DGKB: variants seen among roughly 807,000 people sequenced by gnomAD.
DGKB encodes 90 kDa diacylglycerol kinase.
In DGKB, 67 loss-of-function variants were observed where a neutral mutation model predicts 114.3. The observed-to-expected ratio is 0.59, with a 90% CI of 0.48 to 0.72. The LOEUF is 0.72. DGKB is among the 30% of genes least tolerant of loss of function. The pLI, the probability that DGKB is intolerant of heterozygous loss-of-function variation, is 0.00. For synonymous variants in DGKB, 398 were observed against 323.1 expected, an observed-to-expected ratio of 1.23 and a Z score of -2.49; for missense variants, 907 against 975.2, an observed-to-expected ratio of 0.93 and a Z score of 0.93.
intron 21 of DGKB, among the ~76,000 whole-genome samples, chr7:14,392,639 G>A (rs537989560): frequency 8.5e-5 from 13 of 152,178 alleles, no homozygotes; most frequent in Non-Finnish European, 1.5e-4. Context: ...TTGACAGAAT[G>A]AATTAACTGA....
At chr7:14,431,637 T>G (rs1187597519) in intron 21 of DGKB, among the ~76,000 whole-genome samples, 1 of 152,190 alleles carries the variant, frequency 6.6e-6, no homozygotes, top group African/African-American at 2.4e-5. Context: ...CTATAAAAAG[T>G]ACTTTTAAAA....
At chr7:14,843,581 G>A (rs1018327176) in intron 1 of DGKB, among the ~76,000 whole-genome samples, 4 of 151,612 alleles carry the variant, frequency 2.6e-5, no homozygotes, top group African/African-American at 4.8e-5. Flanking sequence ...TGATCCACCC[G>A]CCTCGGCCTC....
chr7:14,932,963 A>G lies in DGKB; in HGVS notation c.-188+41733T>C, dbSNP rs527723925. On this transcript the variant is annotated intron_variant, in intron 1 of 4. Coordinates refer to the DGKB transcript ENST00000437998. ...AATACCAAATGGCACTGGAGCTGCT[A>G]CTGTCTGCTGAAGCTGAAATAACCT... 1.7e-3 allele frequency among the ~76,000 whole-genome samples: 265 copies of G among 152,304 alleles called. 1 individual carries two copies. Among genetic ancestry groups the G allele is most frequent in the Middle Eastern group, 0.01 (3 of 294 alleles).
At chr7:14,915,550 G>T (rs531426252) in intron 1 of DGKB, among the ~76,000 whole-genome samples, 12 of 152,214 alleles carry the variant, frequency 7.9e-5, no homozygotes, top group Non-Finnish European at 1.5e-4. Flanking sequence ...AAGACAAAGA[G>T]AAAATATTGA....
intron 23 of DGKB, among the ~76,000 whole-genome samples, chr7:14,313,937 G>C (rs1039810828): frequency 1.3e-5 from 2 of 152,226 alleles, no homozygotes; most frequent in Non-Finnish European, 2.9e-5. Flanking sequence ...AGAGATCTGA[G>C]AACGGGCAGA....
chr7:14,901,866 T>C (rs1473486690), intron 1 of DGKB, among the ~76,000 whole-genome samples: 2 of 152,152 alleles, frequency 1.3e-5, no homozygotes, highest in Non-Finnish European at 2.9e-5. Flanking sequence ...GTTTTAAGCC[T>C]TCATTTTCTG....
At chr7:14,542,198 T>C (rs947263009) in intron 20 of DGKB, among the ~76,000 whole-genome samples, 1 of 152,080 alleles carries the variant, frequency 6.6e-6, no homozygotes, top group East Asian at 1.9e-4. Context: ...ATTATTATTA[T>C]TTGTAGAAAC....
chr7:14,611,651 A>G (rs1279901916), intron 16 of DGKB, among the ~76,000 whole-genome samples: 1 of 152,056 alleles, frequency 6.6e-6, no homozygotes, highest in African/African-American at 2.4e-5. Context: ...AAGAGCTCGA[A>G]GTTGAAGCCC....
At chr7:14,636,696 G>A (rs922084507) in intron 13 of DGKB, among the ~76,000 whole-genome samples, 14 of 151,786 alleles carry the variant, frequency 9.2e-5, no homozygotes, top group South Asian at 8.3e-4. Flanking sequence ...TCTACCTGGC[G>A]GGCAAAAATC....
intron 1 of DGKB, among the ~76,000 whole-genome samples, chr7:14,945,385 T>C (rs544677299): frequency 5.9e-5 from 9 of 151,956 alleles, no homozygotes; most frequent in South Asian, 2.1e-4. Context: ...TTCGTGAATG[T>C]GGTTCTGGTT....
intron 23 of DGKB, among the ~76,000 whole-genome samples, chr7:14,275,424 C>G (rs1375986725): frequency 6.6e-6 from 1 of 152,196 alleles, no homozygotes; most frequent in Non-Finnish European, 1.5e-5. Flanking sequence ...CATGAGCCTA[C>G]TTCTTCAACT....
intron 23 of DGKB, among the ~76,000 whole-genome samples, chr7:14,257,430 G>A (rs927338808): frequency 6.6e-6 from 1 of 152,088 alleles, no homozygotes; most frequent in Non-Finnish European, 1.5e-5. Context: ...GGACTATGAT[G>A]TGTGATATGG....
chr7:14,840,047 C>T (rs7797480), intron 2 of DGKB, among the ~76,000 whole-genome samples: 17,131 of 152,082 alleles, frequency 0.11, 1,852 homozygotes, highest in East Asian at 0.29. Flanking sequence ...TCGCTATTAC[C>T]ATCACATCTA....
At chr7:14,559,759 C>G (rs1796379938) in intron 20 of DGKB, among the ~76,000 whole-genome samples, 1 of 152,180 alleles carries the variant, frequency 6.6e-6, no homozygotes. Context: ...CATTTGTGAA[C>G]AGAGTTGTGA....
intron 23 of DGKB, among the ~76,000 whole-genome samples, chr7:14,212,518 C>G (rs1052167630): frequency 6.6e-6 from 1 of 152,110 alleles, no homozygotes; most frequent in African/African-American, 2.4e-5. Flanking sequence ...TTCAACAATT[C>G]AAGGATGGAA....
Position 14,455,071 on chromosome 7 carries a change from G to A in DGKB, c.1835+23090C>T, listed in dbSNP as rs148770160. ...GGTTATCTATGGAACCCAATATCAC[G>A]TTTGAACTTCCCAACCATCAATATA... On this transcript the variant is annotated intron_variant, in intron 21 of 25. Coordinates refer to ENST00000402815, the MANE Select transcript of DGKB (RefSeq NM_001350709.2). Among the ~76,000 whole-genome samples the A allele has an allele frequency of 7.0e-3, 1,067 of 152,072 alleles. 16 individuals carry two copies. Among genetic ancestry groups the A allele is most frequent in the Non-Finnish European group, 6.0e-3 (408 of 67,912 alleles).
intron 17 of DGKB, among the ~76,000 whole-genome samples, chr7:14,607,214 C>A (rs1804681810): frequency 6.6e-6 from 1 of 150,936 alleles, no homozygotes. Flanking sequence ...CAATAAGGAG[C>A]ATTACTTCAC....
chr7:14,504,513 T>C (rs1786710764), intron 20 of DGKB, among the ~76,000 whole-genome samples: 1 of 152,184 alleles, frequency 6.6e-6, no homozygotes, highest in Non-Finnish European at 1.5e-5. Context: ...TTTTTCCCTA[T>C]AGCTTTTGCT....
intron 2 of DGKB, among the ~76,000 whole-genome samples, chr7:14,796,031 C>T (rs560947737): frequency 6.6e-6 from 1 of 152,152 alleles, no homozygotes; most frequent in South Asian, 2.1e-4. Context: ...TAATTTTGCT[C>T]TCAAAATTAA....
Sources: gnomAD v4.1 joint callset for allele counts (sites outside exome capture counted in the v4.1 genomes callset) on GRCh38, gnomAD v4.1.1 for gene constraint, MANE v1.5 for transcripts, NCBI Gene and HGNC (gene_info 2026-07-23, HGNC 2026-07-21) for gene names.